Variants in PLBD1 observed in about 807,000 individuals in gnomAD.
The protein encoded by PLBD1 is lysosomal leucine aminopeptidase.
In PLBD1, 60 loss-of-function variants were observed where a neutral mutation model predicts 63.0. That is an observed-to-expected ratio of 0.95 (90% CI 0.77 to 1.18). PLBD1 has a LOEUF of 1.18. Among genes scored for constraint, PLBD1 ranks in the 50% most tolerant of loss-of-function variants. The pLI is 0.00. For synonymous variants in PLBD1, 262 were observed against 248.0 expected, an observed-to-expected ratio of 1.06 and a Z score of -0.53; for missense variants, 598 against 677.9, an observed-to-expected ratio of 0.88 and a Z score of 1.31.
At position 14,536,564 on chromosome 12, in the gene PLBD1, T is replaced by C. The variant is rs1411003475; in HGVS notation, c.699+6A>G. Reference sequence around the variant, plus strand: ...GAACAAGGCAAAAGGAGCTGCTATGTCTTACCTTGATAAGAGCGGAGCAAT... The same window carrying C: ...GAACAAGGCAAAAGGAGCTGCTATGCCTTACCTTGATAAGAGCGGAGCAAT... On this transcript the variant is annotated splice_donor_region_variant and intron_variant, in intron 5 of 10. Coordinates refer to ENST00000240617, the MANE Select transcript of PLBD1 (RefSeq NM_024829.6). 1 of 1,613,944 alleles carries C rather than the reference T, an allele frequency of 6.2e-7. No individual in the cohort carries two copies. The highest frequency in any genetic ancestry group is 1.7e-5 in the Admixed American group (1 of 60,000).
chr12:14,557,979 C>T lies in PLBD1; in HGVS notation c.116-4567G>A, dbSNP rs11056025. 2.6e-5 allele frequency among the ~76,000 whole-genome samples: 4 copies of T among 151,018 alleles called. 1 individual carries two copies. The highest frequency in any genetic ancestry group is 4.2e-4 in the South Asian group (2 of 4,770). The stretch of plus-strand genomic sequence containing the variant: ...ACAATAGCAAAGACACAGAATCAAC[C>T]TAAATGCCCATCAGTGGTAAACTGG... On this transcript the variant is annotated intron_variant, in intron 1 of 10. Transcript: ENST00000240617.
intron 4 of PLBD1, among the ~76,000 whole-genome samples, chr12:14,540,013 C>CTT (rs1555147086): frequency 0.12 from 2,691 of 22,208 alleles, 242 homozygotes; most frequent in East Asian, 0.24. Context: ...AAGCTATGCA[C>CTT]ATATATATAT....
chr12:14,512,809 CA>C (rs914214586), intron 6 of PLBD1, among the ~76,000 whole-genome samples: 2 of 152,132 alleles, frequency 1.3e-5, no homozygotes, highest in African/African-American at 4.8e-5. Flanking sequence ...AAGGCCCTTA[CA>C]AAACAGTCCC....
chr12:14,534,543 C>CTTT (rs1286445435), intron 6 of PLBD1, among the ~76,000 whole-genome samples: 4 of 137,834 alleles, frequency 2.9e-5, no homozygotes, highest in Admixed American at 7.2e-5. Context: ...CTTTTCTTTT[C>CTTT]TTTTTTTTTT....
intron 6 of PLBD1, among the ~76,000 whole-genome samples, chr12:14,526,091 A>G (rs1251415134): frequency 6.6e-6 from 1 of 152,222 alleles, no homozygotes; most frequent in Non-Finnish European, 1.5e-5. Context: ...GAACAGAGAA[A>G]CAAAATAGAG....
intron 6 of PLBD1, among the ~76,000 whole-genome samples, chr12:14,518,898 T>C (rs7135972): frequency 6.8e-4 from 104 of 152,148 alleles, no homozygotes; most frequent in African/African-American, 2.4e-3. Context: ...TGCTACTCTT[T>C]GTTAATATGA....
intron 6 of PLBD1, among the ~76,000 whole-genome samples, chr12:14,521,288 C>T (rs1358446092): frequency 6.6e-6 from 1 of 152,100 alleles, no homozygotes; most frequent in African/African-American, 2.4e-5. Flanking sequence ...TGATCCTACC[C>T]AGCAGGAAGG....
chr12:14,539,671 A>T (rs1399902954), intron 4 of PLBD1, among the ~76,000 whole-genome samples: 1 of 151,548 alleles, frequency 6.6e-6, no homozygotes, highest in Non-Finnish European at 1.5e-5. Flanking sequence ...TTGTAGTCCC[A>T]GCTACTCGGG....
intron 1 of PLBD1, among the ~76,000 whole-genome samples, chr12:14,564,119 C>T (rs1248887616): frequency 6.6e-6 from 1 of 151,876 alleles, no homozygotes; most frequent in East Asian, 1.9e-4. Flanking sequence ...GTGGTGTGCA[C>T]CTGTAGTCCC....
At chr12:14,511,010 G>T (rs1234229295) in intron 8 of PLBD1, among the ~76,000 whole-genome samples, 2 of 152,192 alleles carry the variant, frequency 1.3e-5, no homozygotes, top group African/African-American at 4.8e-5. Flanking sequence ...GGTAACATTA[G>T]AACTATGAGA....
At chr12:14,561,297 G>A (rs1945740863) in intron 1 of PLBD1, among the ~76,000 whole-genome samples, 1 of 151,882 alleles carries the variant, frequency 6.6e-6, no homozygotes, top group South Asian at 2.1e-4. Context: ...GAAACATACC[G>A]ATTTGTCACT....
intron 6 of PLBD1, among the ~76,000 whole-genome samples, chr12:14,531,909 C>A (rs1283363194): frequency 6.6e-6 from 1 of 152,172 alleles, no homozygotes; most frequent in Non-Finnish European, 1.5e-5. Flanking sequence ...GGATTACAGG[C>A]ATGAGCCTGC....
In PLBD1 at chr12:14,503,806, G is replaced by A. The variant is rs757342643; in HGVS notation, c.1628C>T (p.Thr543Ile). ...MPEVYNFDFI[T>I]MKPILKLDIK ...ATCAAGTTTCAAAATTGGTTTCATG[G>A]TAATAAAATCAAAGTTGTAGACCTC... Residue 543 changes from threonine to isoleucine, a missense_variant, in exon 11 of 11, where the codon ACC becomes ATC. Physicochemically the swap from Thr to Ile is moderately conservative, Grantham distance 89 (BLOSUM62 -1). Coordinates refer to ENST00000240617, the MANE Select transcript of PLBD1 (RefSeq NM_024829.6). The A allele has an allele frequency of 2.2e-5, 35 of 1,613,564 alleles. No individual in the cohort carries two copies. The highest frequency in any genetic ancestry group is 3.3e-4 in the Middle Eastern group (2 of 6,080).
At chr12:14,522,984 A>G (rs1945388541) in intron 6 of PLBD1, among the ~76,000 whole-genome samples, 1 of 152,002 alleles carries the variant, frequency 6.6e-6, no homozygotes, top group African/African-American at 2.4e-5. Context: ...TTTATTTAAC[A>G]TAATACTGGA....
intron 6 of PLBD1, among the ~76,000 whole-genome samples, chr12:14,522,603 A>G (rs1945385189): frequency 6.6e-6 from 1 of 151,992 alleles, no homozygotes. Flanking sequence ...TAGATACAAA[A>G]CTCCTCAAAA....
intron 1 of PLBD1, among the ~76,000 whole-genome samples, chr12:14,564,365 C>T (rs1198987245): frequency 1.3e-5 from 2 of 152,122 alleles, no homozygotes; most frequent in East Asian, 3.9e-4. Flanking sequence ...CTCAAGTGGA[C>T]ACTGGTAAGC....
chr12:14,525,476 G>GA (rs1945409482), intron 6 of PLBD1, among the ~76,000 whole-genome samples: 1 of 151,914 alleles, frequency 6.6e-6, no homozygotes, highest in Non-Finnish European at 1.5e-5. Flanking sequence ...AAAGAGGATG[G>GA]AAAAAATATG....
chr12:14,536,052 T>C, intron 5 of PLBD1: 1 of 405,338 alleles, frequency 2.5e-6, no homozygotes, highest in Non-Finnish European at 4.4e-6. Flanking sequence ...TCCTAGCACT[T>C]TGGGAGGCCA....
At position 14,539,997 on chromosome 12, in the gene PLBD1, A is replaced by T. The variant is rs1303068782; in HGVS notation, c.558+767T>A. Among the ~76,000 whole-genome samples, 5 of 127,416 alleles carry T rather than the reference A, an allele frequency of 3.9e-5. 1 individual carries two copies. The East Asian group carries it at 1.2e-3, about 31-fold the overall frequency. The allele number at this position is 127,416 out of a possible 152,430, so 83.6% of individuals were successfully genotyped here. A position where few individuals can be genotyped will look rare whatever the true frequency, so the allele number is the denominator to read the frequency against. ...ACTGGACAAAATAGACAAAAAGTTC[A>T]AAGAAAAGCTATGCACATATATATA... On this transcript the variant is annotated intron_variant, in intron 4 of 10. Transcript: ENST00000240617.
Sources: gnomAD v4.1 joint callset for allele counts (sites outside exome capture counted in the v4.1 genomes callset) on GRCh38, gnomAD v4.1.1 for gene constraint, MANE v1.5 for transcripts, NCBI Gene and HGNC (gene_info 2026-07-23, HGNC 2026-07-21) for gene names.